Variants in APBA2 observed in about 807,000 individuals in gnomAD.
The protein encoded by APBA2 is amyloid-beta A4 precursor protein-binding family A member 2.
A neutral mutation model predicts 75.0 loss-of-function variants in APBA2; 30 were observed. The ratio of observed to expected loss-of-function variants is 0.40; its 90% confidence interval spans 0.30 to 0.54. The LOEUF (loss-of-function observed/expected upper bound fraction) is 0.54, where lower values mean the gene tolerates loss of function less well. Among genes scored for constraint, APBA2 ranks in the 20% least tolerant of loss-of-function variants. The pLI is 0.49. For synonymous variants in APBA2, 444 were observed against 409.6 expected (o/e 1.08, Z -1.01); for missense variants, 801 against 1,016.1 (o/e 0.79, Z 2.88).
At chr15:28,965,075 A>AT (rs531305145) in intron 2 of APBA2, among the ~76,000 whole-genome samples, 53 of 146,792 alleles carry the variant, frequency 3.6e-4, no homozygotes, top group Admixed American at 8.8e-4. Flanking sequence ...CTTTCCTTTG[A>AT]TTTTTTTTTT....
chr15:29,039,053 G>A (rs2040889463), intron 3 of APBA2, among the ~76,000 whole-genome samples: 1 of 151,102 alleles, frequency 6.6e-6, no homozygotes, highest in Non-Finnish European at 1.5e-5. Context: ...ATGCTGCCTT[G>A]AAAGTGTCCT....
chr15:29,040,338 A>G (rs555531791), intron 3 of APBA2, among the ~76,000 whole-genome samples: 36 of 152,262 alleles, frequency 2.4e-4, no homozygotes, highest in African/African-American at 8.2e-4. Context: ...GAGAGCCCCA[A>G]CTTTATGGGC....
chr15:28,901,131 A>G (rs1342896639), intron 1 of APBA2, among the ~76,000 whole-genome samples: 1 of 152,084 alleles, frequency 6.6e-6, no homozygotes, highest in African/African-American at 2.4e-5. Flanking sequence ...TGATGCGGTC[A>G]CTCTAGAACC....
Position 28,918,298 on chromosome 15 carries a change from T to G in APBA2, c.-204-3342T>G, listed in dbSNP as rs903934975. Among the ~76,000 whole-genome samples the G allele has an allele frequency of 2.0e-5, 3 of 152,110 alleles. No homozygotes were observed. Among genetic ancestry groups the G allele is most frequent in the Non-Finnish European group, 4.4e-5 (3 of 68,024 alleles). ...CCACTGCCCTCGGCAGCCAAGCCCC[T>G]TCTTTATTTTGGAATGGCCACCTGG... On this transcript the variant is annotated intron_variant, in intron 1 of 14. Transcript: ENST00000683413. This position sits in a 1 kb window ranked among gnomAD's most constrained non-coding sequence, Gnocchi z 4.2.
intron 3 of APBA2, among the ~76,000 whole-genome samples, chr15:29,027,061 T>G (rs2040257688): frequency 6.6e-6 from 1 of 152,216 alleles, no homozygotes; most frequent in African/African-American, 2.4e-5. Context: ...TATAAACCAT[T>G]TTTGGTCATG....
At chr15:28,962,415 C>T (rs2036524811) in intron 2 of APBA2, among the ~76,000 whole-genome samples, 1 of 151,696 alleles carries the variant, frequency 6.6e-6, no homozygotes, top group African/African-American at 2.4e-5. Context: ...ACTAAAAATA[C>T]AAAATTAACT....
At chr15:29,100,840 C>G (rs1459720633) in intron 9 of APBA2, among the ~76,000 whole-genome samples, 4 of 152,184 alleles carry the variant, frequency 2.6e-5, no homozygotes, top group Non-Finnish European at 5.9e-5. Flanking sequence ...TGGCAAGCCC[C>G]TGCTCCAGCA....
intron 14 of APBA2, among the ~76,000 whole-genome samples, chr15:29,115,180 G>A (rs1430747917): frequency 6.6e-6 from 1 of 151,114 alleles, no homozygotes; most frequent in African/African-American, 2.4e-5. Flanking sequence ...GCAGCAGGCC[G>A]GGCCGTCTGT....
chr15:28,970,516 A>T (rs916804356), intron 2 of APBA2: 2 of 142,624 alleles, frequency 1.4e-5, no homozygotes, highest in African/African-American at 5.2e-5. Flanking sequence ...TGTCTTTCTA[A>T]AAAAAAAAAA....
rs2043961055 is a variant in APBA2, at chr15:29,098,498, G to T, written c.1260G>T (p.Glu420Asp). Reference protein sequence around the residue: ...AAKIKKKANSEGDAQTLTEVD... With the variant: ...AAKIKKKANSDGDAQTLTEVD... ...TCCACTGTCCTTCTTAGAATTCTGA[G>T]GGGGATGCCCAGACGCTGACGGAAG... is the stretch of plus-strand genomic sequence containing the variant. Residue 420 changes from glutamate to aspartate, a missense_variant, in exon 9 of 15, where the codon GAG becomes GAT. Transcript: ENST00000683413. 6.2e-7 allele frequency: 1 copy of T among 1,613,790 alleles called. No individual in the cohort carries two copies. The highest frequency in any genetic ancestry group is 1.7e-5 in the Admixed American group (1 of 60,008).
At chr15:29,035,412 A>AG (rs5811553) in intron 3 of APBA2, among the ~76,000 whole-genome samples, 29,655 of 152,016 alleles carry the variant, frequency 0.2, 3,849 homozygotes, top group African/African-American at 0.36. Context: ...TATCTCAGGT[A>AG]GGGCTCTGGT....
At chr15:29,012,864 T>TTCCTGTG (rs940380822) in intron 3 of APBA2, among the ~76,000 whole-genome samples, 4 of 152,226 alleles carry the variant, frequency 2.6e-5, no homozygotes, top group Non-Finnish European at 5.9e-5. Flanking sequence ...CACTACTTTC[T>TTCCTGTG]TCCTGTGTGT....
intron 1 of APBA2, among the ~76,000 whole-genome samples, chr15:28,888,800 A>T (rs1567407668): frequency 6.6e-6 from 1 of 152,122 alleles, no homozygotes; most frequent in Non-Finnish European, 1.5e-5. Context: ...CTCCCCATGC[A>T]GTCTCAGTTC....
rs527856662 is a variant in APBA2, at chr15:29,101,778, G to A, written c.1518G>A (p.Ser506=). 15 of 1,613,052 alleles carry A rather than the reference G, an allele frequency of 9.3e-6. No homozygotes were observed. The highest frequency in any genetic ancestry group is 1.6e-4 in the Middle Eastern group (1 of 6,084). The change falls in exon 10 of 15, where the codon TCG becomes TCA. Residue 506 remains serine, a synonymous_variant. Coordinates refer to ENST00000683413, the MANE Select transcript of APBA2 (RefSeq NM_001353788.2). ...QYKMICHVFE[S]EDAQLIAQSI... is the part of the protein sequence containing the mutation. ...AGATGATCTGCCATGTGTTCGAGTC[G>A]GAGGATGTAAGTAAGCCCTTGCCAG... is the stretch of plus-strand genomic sequence containing the variant.
intron 2 of APBA2, among the ~76,000 whole-genome samples, chr15:28,942,914 G>T (rs1449998663): frequency 6.6e-6 from 1 of 152,332 alleles, no homozygotes; most frequent in East Asian, 1.9e-4. Context: ...GAGCGACTCT[G>T]CTCCTTCCTG....
intron 1 of APBA2, chr15:28,919,630 C>G (rs1385350871): frequency 6.6e-6 from 1 of 152,510 alleles, no homozygotes; most frequent in African/African-American, 2.4e-5. Context: ...CCCTGTGTCT[C>G]CTGAACAGCT....
chr15:29,090,899 G>A (rs1220114336), intron 6 of APBA2, among the ~76,000 whole-genome samples: 1 of 152,168 alleles, frequency 6.6e-6, no homozygotes, highest in African/African-American at 2.4e-5. Context: ...GGCATGTCTG[G>A]CGAGCCTGTG....
At chr15:28,990,855 T>C (rs958158450) in intron 2 of APBA2, 4 of 152,236 alleles carry the variant, frequency 2.6e-5, no homozygotes, top group Admixed American at 2.6e-4. Flanking sequence ...TGTACATTAT[T>C]ACTAAGTAAT....
intron 4 of APBA2, among the ~76,000 whole-genome samples, chr15:29,072,346 G>A (rs776417245): frequency 2.2e-4 from 33 of 152,192 alleles, no homozygotes; most frequent in Admixed American, 6.5e-5. Context: ...TGTGCTATGT[G>A]CACCTTGAAA....
Sources: allele counts gnomAD v4.1 joint callset (sites outside exome capture counted in the v4.1 genomes callset), GRCh38; gene constraint gnomAD v4.1.1; non-coding constraint Gnocchi (gnomAD v3.1); transcripts MANE v1.5; gene names NCBI Gene and HGNC (gene_info 2026-07-23, HGNC 2026-07-21).